The following MALT1 variants were observed in gnomAD, a reference collection of about 807,000 sequenced individuals.
MALT1 encodes MALT1 paracaspase.
In MALT1, 36 loss-of-function variants were observed where a neutral mutation model predicts 85.5. That is an observed-to-expected ratio of 0.42 (90% CI 0.32 to 0.56). MALT1 has a LOEUF of 0.56. Ranked by LOEUF, MALT1 falls within the 20% of genes least tolerant of loss-of-function variation. The pLI is 0.10. For missense variants in MALT1, 716 were observed against 981.6 expected (o/e 0.73, Z 3.62); for synonymous variants, 359 against 361.3 (o/e 0.99, Z 0.07).
At position 58,709,551 on chromosome 18, in the gene MALT1, T is replaced by C. The variant is rs1414101625; in HGVS notation, c.823T>C (p.Tyr275His). The C allele has an allele frequency of 1.2e-6, 2 of 1,600,336 alleles. No homozygotes were observed. The highest frequency in any genetic ancestry group is 1.7e-6 in the Non-Finnish European group (2 of 1,175,218). Residue 275 changes from tyrosine to histidine, a missense_variant, in exon 5 of 17, where the codon TAC becomes CAC. By Grantham distance (83) the Tyr-to-His change is moderately conservative. Around this residue, in one of 4 missense-constraint regions of MALT1, gnomAD observed 290 missense variants for 380.5 expected, o/e 0.76. Coordinates refer to ENST00000649217, the MANE Select transcript of MALT1 (RefSeq NM_006785.4). ...ATTAACACATGAGACCAAAAAGCTA[T>C]ACATGGTAGGAAGTTGATTTTGGGG... Reference protein sequence around the residue: ...LPLTHETKKLYMVPYVDLEHQ... With the variant: ...LPLTHETKKLHMVPYVDLEHQ...
chr18:58,692,310 T>C (rs2054517560), intron 2 of MALT1, among the ~76,000 whole-genome samples: 1 of 152,166 alleles, frequency 6.6e-6, no homozygotes, highest in East Asian at 1.9e-4. Flanking sequence ...AAAACTATTA[T>C]AATTGTTTTG....
chr18:58,730,502 GATA>G (rs2144449932), intron 10 of MALT1, among the ~76,000 whole-genome samples: 1 of 152,212 alleles, frequency 6.6e-6, no homozygotes, highest in South Asian at 2.1e-4. Flanking sequence ...TTTAGGGCTA[GATA>G]ATATTCTATT....
intron 7 of MALT1, among the ~76,000 whole-genome samples, chr18:58,711,515 A>G (rs2054830796): frequency 6.6e-6 from 1 of 152,202 alleles, no homozygotes; most frequent in Non-Finnish European, 1.5e-5. Context: ...CCTTTACCAT[A>G]ATATGTAAAG....
At position 58,696,497 on chromosome 18, in the gene MALT1, T is replaced by A. The variant is rs1038295197; in HGVS notation, c.498+10T>A. ...CAAAATGAATAAAGAGGTAATTTTT[T>A]AAATATATCTTTTAATTCTTCCAAG... On this transcript the variant is annotated intron_variant, in intron 3 of 16. Transcript: ENST00000649217. The A allele has an allele frequency of 5.2e-6, 8 of 1,542,714 alleles. No individual in the cohort carries two copies. The highest frequency in any genetic ancestry group is 2.8e-5 in the African/African-American group (2 of 71,828).
At chr18:58,683,541 C>T (rs772698352) in intron 2 of MALT1, among the ~76,000 whole-genome samples, 12 of 152,100 alleles carry the variant, frequency 7.9e-5, no homozygotes, top group Admixed American at 3.3e-4. Flanking sequence ...TATGTGAAAC[C>T]GGGCTTGACT....
chr18:58,671,623 C>G lies in MALT1; in HGVS notation c.-21C>G, dbSNP rs1767073904. Reference sequence around the variant, plus strand: ...CGGGGCGGGCGGGAGCCCCGGCAGTCCGGGGTCGCCGGCGAGGGCCATGTC... The same window carrying G: ...CGGGGCGGGCGGGAGCCCCGGCAGTGCGGGGTCGCCGGCGAGGGCCATGTC... On this transcript the variant is annotated 5_prime_UTR_variant, in exon 1 of 17. Coordinates refer to ENST00000649217, the MANE Select transcript of MALT1 (RefSeq NM_006785.4). 5 of 1,211,140 alleles carry G rather than the reference C, an allele frequency of 4.1e-6. No homozygotes were observed. The highest frequency in any genetic ancestry group is 5.1e-6 in the Non-Finnish European group (5 of 974,466). The allele number at this position is 1,211,140 out of a possible 1,614,324, so 75.0% of individuals were successfully genotyped here.
chr18:58,734,564 C>T, intron 12 of MALT1, 183 bp downstream of exon 12: 5 of 565,872 alleles, frequency 8.8e-6, no homozygotes, highest in Non-Finnish European at 1.3e-5. Flanking sequence ...GCTGGGATTA[C>T]AGGCATGTGC....
intron 10 of MALT1, among the ~76,000 whole-genome samples, chr18:58,725,086 C>T (rs2055034239): frequency 6.6e-6 from 1 of 151,070 alleles, no homozygotes; most frequent in African/African-American, 2.4e-5. Flanking sequence ...GCCGAGATCA[C>T]ACCACTGCAC....
intron 13 of MALT1, among the ~76,000 whole-genome samples, chr18:58,739,238 T>C (rs370357759): frequency 1.6e-4 from 25 of 152,312 alleles, no homozygotes; most frequent in African/African-American, 6.0e-4. Flanking sequence ...TGTTTAGAAT[T>C]TTCATATCTA....
At position 58,700,977 on chromosome 18, in the gene MALT1, G is replaced by A. The variant is rs545611822; in HGVS notation, c.649+386G>A. Reference sequence around the variant, plus strand: ...CTGGGTAATTTTTGTATTTTTAGTAGAAGTGGGGTTTCACCATGTTGGCCA... The same window carrying A: ...CTGGGTAATTTTTGTATTTTTAGTAAAAGTGGGGTTTCACCATGTTGGCCA... On this transcript the variant is annotated intron_variant, in intron 4 of 16. Transcript: ENST00000649217. Among the ~76,000 whole-genome samples, 11 of 152,042 alleles carry A rather than the reference G, an allele frequency of 7.2e-5. No individual in the cohort carries two copies. The South Asian group carries it at 2.3e-3, about 32-fold the overall frequency.
chr18:58,722,649 CAG>C (rs2055000815), intron 9 of MALT1, among the ~76,000 whole-genome samples: 1 of 152,174 alleles, frequency 6.6e-6, no homozygotes, highest in Non-Finnish European at 1.5e-5. Flanking sequence ...CTCAGCAAAA[CAG>C]AACCTAATTT....
At chr18:58,722,211 C>A (rs895800975) in intron 9 of MALT1, among the ~76,000 whole-genome samples, 1 of 151,714 alleles carries the variant, frequency 6.6e-6, no homozygotes, top group African/African-American at 2.4e-5. Context: ...GTGTTGAAGA[C>A]CTCATAAGCA....
chr18:58,747,790 C>CTGATGAAATACCATTTAG lies in MALT1; in HGVS notation c.2425_2442dup (p.Asp809_Ser814dup), dbSNP rs2055390800. On this transcript the variant is annotated inframe_insertion, in exon 17 of 17. Transcript: ENST00000649217. Reference sequence around the variant, plus strand: ...AGAAGTAATGTGCCAGTAGAGACAACTGATGAAATACCATTTAGTTTCTCT... The same window carrying CTGATGAAATACCATTTAG: ...AGAAGTAATGTGCCAGTAGAGACAACTGATGAAATACCATTTAGTGATGAAATACCATTTAGTTTCTCT... 1 of 1,614,016 alleles carries CTGATGAAATACCATTTAG rather than the reference C, an allele frequency of 6.2e-7. No individual in the cohort carries two copies. The highest frequency in any genetic ancestry group is 8.5e-7 in the Non-Finnish European group (1 of 1,180,008).
intron 1 of MALT1, 47 bp from the exon 2 acceptor site, chr18:58,681,123 T>C: frequency 6.3e-7 from 1 of 1,578,970 alleles, no homozygotes; most frequent in Non-Finnish European, 8.7e-7. Context: ...AGCAGGTGTA[T>C]CATGTGGAAG....
intron 1 of MALT1, among the ~76,000 whole-genome samples, chr18:58,675,053 T>C (rs1215720105): frequency 6.6e-6 from 1 of 152,248 alleles, no homozygotes; most frequent in Admixed American, 6.5e-5. Flanking sequence ...CACAACCATG[T>C]ACATTTGGGA....
In MALT1 at chr18:58,674,961, T is replaced by C. The variant is rs192793778; in HGVS notation, c.209+3109T>C. Among the ~76,000 whole-genome samples the C allele has an allele frequency of 6.6e-5, 10 of 152,360 alleles. No individual in the cohort carries two copies. The East Asian group carries it at 1.9e-3, about 29-fold the overall frequency. ...CCACAAGAAAAGAGCCCGTTCAAAC[T>C]GTCTACAAGAGATTAGAAATAATTG... On this transcript the variant is annotated intron_variant, in intron 1 of 16. Transcript: ENST00000649217.
At chr18:58,676,788 G>A (rs143157084) in intron 1 of MALT1, among the ~76,000 whole-genome samples, 104 of 152,300 alleles carry the variant, frequency 6.8e-4, no homozygotes, top group East Asian at 2.9e-3. Flanking sequence ...TTTGTTTGCT[G>A]CTGTATCCTC....
At chr18:58,695,826 A>G (rs1042543460) in intron 2 of MALT1, among the ~76,000 whole-genome samples, 1 of 152,206 alleles carries the variant, frequency 6.6e-6, no homozygotes, top group African/African-American at 2.4e-5. Flanking sequence ...CTACCTCCCA[A>G]CATTGTTACA....
chr18:58,719,406 G>T (rs1354239082), intron 9 of MALT1, among the ~76,000 whole-genome samples: 1 of 149,992 alleles, frequency 6.7e-6, no homozygotes, highest in Non-Finnish European at 1.5e-5. Context: ...TCCTCTTCCC[G>T]CCCCCAACTT....
Sources: gnomAD v4.1 joint callset for allele counts (sites outside exome capture counted in the v4.1 genomes callset) on GRCh38, gnomAD v4.1.1 for gene constraint, gnomAD v4.1.1 regional missense constraint, MANE v1.5 for transcripts, NCBI Gene and HGNC (gene_info 2026-07-23, HGNC 2026-07-21) for gene names.